The following ASB3 variants were observed in gnomAD, a reference collection of about 807,000 sequenced individuals.
ASB3 encodes the protein ankyrin repeat and SOCS box protein 3.
ASB3 carries 41 observed loss-of-function variants against 54.5 expected under a neutral mutation model. The observed-to-expected ratio is 0.75, with a 90% CI of 0.59 to 0.98. The LOEUF is 0.98. Ranked by LOEUF, ASB3 falls within the 50% of genes least tolerant of loss-of-function variation. The probability of loss-of-function intolerance (pLI) is 0.00; values close to 1 mark genes in which losing one functional copy is unlikely to be tolerated. For missense variants in ASB3, 733 were observed against 620.0 expected, an observed-to-expected ratio of 1.18 and a Z score of -1.94; for synonymous variants, 266 against 221.2, an observed-to-expected ratio of 1.20 and a Z score of -1.80.
At chr2:53,707,788 C>A (rs553749044) in intron 7 of ASB3, among the ~76,000 whole-genome samples, 47 of 151,582 alleles carry the variant, frequency 3.1e-4, no homozygotes, top group Non-Finnish European at 5.9e-4. Flanking sequence ...ATGGTGAAAC[C>A]CCATCTCTAC....
chr2:53,688,120 T>G (rs1668728500), intron 9 of ASB3, among the ~76,000 whole-genome samples: 1 of 152,200 alleles, frequency 6.6e-6, no homozygotes, highest in Non-Finnish European at 1.5e-5. Context: ...CCTGGCCTAT[T>G]TGTTGTTTTT....
At chr2:53,750,249 A>G (rs960450379) in intron 3 of ASB3, among the ~76,000 whole-genome samples, 2 of 152,084 alleles carry the variant, frequency 1.3e-5, no homozygotes, top group Admixed American at 6.6e-5. Flanking sequence ...AAGAAGAAAA[A>G]AGACAGTTAT....
At chr2:53,729,970 TAAAA>T (rs577808780) in intron 3 of ASB3, among the ~76,000 whole-genome samples, 218 of 152,260 alleles carry the variant, frequency 1.4e-3, no homozygotes, top group Non-Finnish European at 2.2e-3. Context: ...TGATCACAAA[TAAAA>T]AGAGTAACTG....
At chr2:53,676,773 C>G (rs1425310003) in intron 9 of ASB3, among the ~76,000 whole-genome samples, 1 of 151,852 alleles carries the variant, frequency 6.6e-6, no homozygotes, top group African/African-American at 2.4e-5. Context: ...TTTGTTTGTT[C>G]GTTTTGTTTT....
intron 4 of ASB3, among the ~76,000 whole-genome samples, 177 bp downstream of exon 4, chr2:53,729,281 C>T (rs1671171595): frequency 6.6e-6 from 1 of 152,146 alleles, no homozygotes; most frequent in African/African-American, 2.4e-5. Flanking sequence ...GCTTCCACAG[C>T]TACTACAGAA....
intron 5 of ASB3, 60 bp downstream of exon 5, chr2:53,728,652 T>C: frequency 2.9e-6 from 4 of 1,396,966 alleles, no homozygotes; most frequent in Middle Eastern, 1.9e-4. Context: ...ATTATTCCTC[T>C]AGGAAATATA....
At chr2:53,718,242 G>T (rs1368714144) in intron 5 of ASB3, among the ~76,000 whole-genome samples, 1 of 151,914 alleles carries the variant, frequency 6.6e-6, no homozygotes, top group Non-Finnish European at 1.5e-5. Flanking sequence ...GACTGTTGAA[G>T]GTTAACACTA....
At chr2:53,761,290 A>G (rs552752114) in intron 2 of ASB3, among the ~76,000 whole-genome samples, 28 of 152,292 alleles carry the variant, frequency 1.8e-4, no homozygotes, top group Non-Finnish European at 2.9e-4. Flanking sequence ...GTCAAATCAT[A>G]TATCGCCTGA....
intron 5 of ASB3, among the ~76,000 whole-genome samples, chr2:53,728,176 G>A (rs754128304): frequency 2.0e-5 from 3 of 152,126 alleles, no homozygotes; most frequent in Non-Finnish European, 2.9e-5. Flanking sequence ...TTGTCACTTA[G>A]AGTAAGAATG....
chr2:53,785,297 T>A (rs559284535), intron 1 of ASB3, among the ~76,000 whole-genome samples: 1 of 152,224 alleles, frequency 6.6e-6, no homozygotes, highest in Admixed American at 6.5e-5. Flanking sequence ...GAACATCAGC[T>A]CTATTGAACA....
At chr2:53,784,423 T>C (rs936148847) in intron 1 of ASB3, among the ~76,000 whole-genome samples, 7 of 152,270 alleles carry the variant, frequency 4.6e-5, no homozygotes, top group African/African-American at 1.7e-4. Flanking sequence ...CTCTATTACC[T>C]TCCTGAGGCT....
At chr2:53,707,660 A>AC (rs1669858776) in intron 7 of ASB3, among the ~76,000 whole-genome samples, 1 of 148,864 alleles carries the variant, frequency 6.7e-6, no homozygotes, top group Non-Finnish European at 1.5e-5. Flanking sequence ...AAAAAAAAAA[A>AC]AGAAAGAAAT....
At chr2:53,702,912 T>C (rs565941857) in intron 7 of ASB3, among the ~76,000 whole-genome samples, 34 of 152,350 alleles carry the variant, frequency 2.2e-4, no homozygotes, top group African/African-American at 7.9e-4. Context: ...GGCCAAATAG[T>C]GAGTTTTACT....
intron 3 of ASB3, among the ~76,000 whole-genome samples, chr2:53,731,813 C>T (rs892124983): frequency 1.3e-5 from 2 of 151,996 alleles, no homozygotes; most frequent in Non-Finnish European, 2.9e-5. Flanking sequence ...CAATCATGCT[C>T]GGCTACTTTT....
chr2:53,772,987 G>C (rs891461499), intron 1 of ASB3, among the ~76,000 whole-genome samples: 2 of 151,994 alleles, frequency 1.3e-5, no homozygotes, highest in African/African-American at 4.8e-5. Context: ...CATTTTATTG[G>C]GGTACAGATT....
At chr2:53,783,546 G>C (rs1674771668) in intron 1 of ASB3, among the ~76,000 whole-genome samples, 1 of 151,952 alleles carries the variant, frequency 6.6e-6, no homozygotes, top group Non-Finnish European at 1.5e-5. Context: ...TCACCACCTA[G>C]AAACACTGAT....
chr2:53,712,745 A>C (rs1302122123), intron 7 of ASB3, among the ~76,000 whole-genome samples: 1 of 150,148 alleles, frequency 6.7e-6, no homozygotes, highest in Non-Finnish European at 1.5e-5. Context: ...CATCATATTG[A>C]ACACACACAC....
chr2:53,738,886 G>C (rs1671785642), intron 3 of ASB3, among the ~76,000 whole-genome samples: 1 of 152,154 alleles, frequency 6.6e-6, no homozygotes, highest in Non-Finnish European at 1.5e-5. Flanking sequence ...AGAAGGCAGA[G>C]CTCCAAGTGT....
At chr2:53,756,235 CCTGT>C (rs1238297455) in intron 2 of ASB3, among the ~76,000 whole-genome samples, 12 of 152,050 alleles carry the variant, frequency 7.9e-5, no homozygotes, top group Non-Finnish European at 1.3e-4. Flanking sequence ...GGAAATCCTG[CCTGT>C]CTAACGACAT....
Sources: allele counts gnomAD v4.1 joint callset (sites outside exome capture counted in the v4.1 genomes callset), GRCh38; gene constraint gnomAD v4.1.1; transcripts MANE v1.5; gene names NCBI Gene and HGNC (gene_info 2026-07-23, HGNC 2026-07-21).